FGD5: variants seen among roughly 807,000 people sequenced by gnomAD.
FGD5 encodes the protein FYVE, RhoGEF and PH domain containing 5.
Under a neutral mutation model 133.4 loss-of-function variants are expected in FGD5, and 28 were observed. That is an observed-to-expected ratio of 0.21 (90% confidence interval 0.16 to 0.29). The LOEUF is 0.29. Ranked by LOEUF, FGD5 falls within the 10% of genes least tolerant of loss-of-function variation. The pLI is 1.00. For synonymous variants in FGD5, 810 were observed against 776.5 expected (o/e 1.04, Z -0.72); for missense variants, 1,858 against 1,895.2 (o/e 0.98, Z 0.36).
At chr3:14,829,390 T>A (rs1418230412) in intron 1 of FGD5, among the ~76,000 whole-genome samples, 1 of 151,694 alleles carries the variant, frequency 6.6e-6, no homozygotes, top group Non-Finnish European at 1.5e-5. Flanking sequence ...ACGGAGGGGA[T>A]GGAGGGATGG....
intron 9 of FGD5, 71 bp from the exon 10 acceptor site, chr3:14,907,569 G>A (rs2125140713): frequency 2.1e-6 from 3 of 1,398,556 alleles, no homozygotes; most frequent in South Asian, 2.5e-5. Flanking sequence ...GCAACGCCAT[G>A]CCTTACAGAG....
At chr3:14,883,489 T>C (rs1319837411) in intron 4 of FGD5, among the ~76,000 whole-genome samples, 1 of 152,156 alleles carries the variant, frequency 6.6e-6, no homozygotes, top group East Asian at 1.9e-4. Context: ...CATGCACCCA[T>C]TCACTCTCAA....
chr3:14,852,850 A>C (rs2037193108), intron 1 of FGD5, among the ~76,000 whole-genome samples: 1 of 152,126 alleles, frequency 6.6e-6, no homozygotes, highest in Admixed American at 6.5e-5. Flanking sequence ...CTCACTTCAG[A>C]CACGACGAGG....
Position 14,820,995 on chromosome 3 carries a change from T to G in FGD5, c.1924T>G (p.Ser642Ala), listed in dbSNP as rs1174672237. The change falls in exon 1 of 20, where the codon TCC (serine) becomes GCC (alanine). Residue 642 changes from serine to alanine, a missense_variant. Coordinates refer to ENST00000285046, the MANE Select transcript of FGD5 (RefSeq NM_152536.4). ...TCCCTCACTCCTGATCGAGAGCGAC[T>G]CCCCGGACAAGTACAAGAAGAAGAA... Reference protein sequence around the residue: ...SSPSLLIESDSPDKYKKKKSS... With the variant: ...SSPSLLIESDAPDKYKKKKSS... 1 of 1,613,494 alleles carries G rather than the reference T, an allele frequency of 6.2e-7. No individual in the cohort carries two copies. Among genetic ancestry groups the G allele is most frequent in the East Asian group, 2.2e-5 (1 of 44,834 alleles).
At chr3:14,861,789 C>G (rs997509743) in intron 1 of FGD5, among the ~76,000 whole-genome samples, 1 of 152,216 alleles carries the variant, frequency 6.6e-6, no homozygotes, top group African/African-American at 2.4e-5. Flanking sequence ...CTTGCCCTCC[C>G]CAGGTCCCGC....
intron 12 of FGD5, 144 bp from the exon 13 acceptor site, chr3:14,918,610 C>G: frequency 1.3e-6 from 1 of 762,132 alleles, no homozygotes; most frequent in South Asian, 1.7e-5. Context: ...TCCACAGCAC[C>G]TACCATCACA....
upstream of FGD5, among the ~76,000 whole-genome samples, chr3:14,816,398 G>T (rs1355608421): frequency 6.6e-6 from 1 of 152,212 alleles, no homozygotes; most frequent in African/African-American, 2.4e-5. Context: ...ATCTGGGGTA[G>T]GCAAAGATGG....
chr3:14,868,181 C>T (rs1031083011), intron 2 of FGD5, among the ~76,000 whole-genome samples: 3 of 152,162 alleles, frequency 2.0e-5, no homozygotes, highest in Admixed American at 6.5e-5. Context: ...ACGTGTCGGC[C>T]CTCCCTGACA....
At position 14,879,608 on chromosome 3, in the gene FGD5, A is replaced by G. The variant is rs772504309; in HGVS notation, c.2659-964A>G. ...TCCTCACTCACTCTTTCAGTCAACA[A>G]AGAGAACTACCATATGCTAAGCACT... On this transcript the variant is annotated intron_variant, in intron 2 of 19. Transcript: ENST00000285046. Among the ~76,000 whole-genome samples, 40 of 152,352 alleles carry G rather than the reference A, an allele frequency of 2.6e-4. 1 individual carries two copies. Among genetic ancestry groups the G allele is most frequent in the Middle Eastern group, 3.4e-3 (1 of 294 alleles).
chr3:14,858,355 G>GTGGGGGGATGGA (rs57012067), intron 1 of FGD5, among the ~76,000 whole-genome samples: 1 of 130,888 alleles, frequency 7.6e-6, no homozygotes, highest in Non-Finnish European at 1.6e-5. Context: ...GGGTGGGTGG[G>GTGGGGGGATGGA]TGGATGGATG....
At chr3:14,843,131 A>G (rs1412922631) in intron 1 of FGD5, among the ~76,000 whole-genome samples, 1 of 152,118 alleles carries the variant, frequency 6.6e-6, no homozygotes, top group African/African-American at 2.4e-5. Flanking sequence ...TTATTTTCTC[A>G]TGTTTGACAT....
At position 14,922,845 on chromosome 3, in the gene FGD5, T is replaced by C. The variant is rs1404043962; in HGVS notation, c.3808-201T>C. 6.6e-6 allele frequency among the ~76,000 whole-genome samples: 1 copy of C among 151,970 alleles called. No homozygotes were observed. The highest frequency in any genetic ancestry group is 6.6e-5 in the Admixed American group (1 of 15,260). ...TGTAGTGGTTAAGGGCGCGGGCTCATCAGAAAAGCAGATAGGCGCTGGCTC... is the reference window on the plus strand; with the variant it reads ...TGTAGTGGTTAAGGGCGCGGGCTCACCAGAAAAGCAGATAGGCGCTGGCTC... On this transcript the variant is annotated intron_variant, in intron 15 of 19. Coordinates refer to ENST00000285046, the MANE Select transcript of FGD5 (RefSeq NM_152536.4). The surrounding 1 kb of genome is among the most constrained non-coding windows in gnomAD (Gnocchi z 4.1).
At position 14,934,132 on chromosome 3, in the gene FGD5, TA is replaced by T. The variant is rs2038943515; in HGVS notation, c.*966del. ...TTGGGCTGTATTACTGAAGGCTTTTTATTTTTTGAGAGGTGAAAAAAAGAGA... is the reference window on the plus strand; with the variant it reads ...TTGGGCTGTATTACTGAAGGCTTTTTTTTTTTGAGAGGTGAAAAAAAGAGA... On this transcript the variant is annotated 3_prime_UTR_variant, in exon 20 of 20. Transcript: ENST00000285046. 6.6e-6 allele frequency: 1 copy of T among 152,276 alleles called. No individual in the cohort carries two copies. Among genetic ancestry groups the T allele is most frequent in the Admixed American group, 6.5e-5 (1 of 15,278 alleles). The allele number at this position is 152,276 out of a possible 1,614,324, so 9.4% of individuals were successfully genotyped here. A position where few individuals can be genotyped will look rare whatever the true frequency, so the allele number is the denominator to read the frequency against.
chr3:14,924,000 A>C lies in FGD5; in HGVS notation c.3938-8A>C, dbSNP rs4685235. 1 of 1,613,878 alleles carries C rather than the reference A, an allele frequency of 6.2e-7. No homozygotes were observed. On this transcript the variant is annotated splice_region_variant and splice_polypyrimidine_tract_variant and intron_variant, in intron 16 of 19. Transcript: ENST00000285046. ...ACCTCCCTTCCATGTGGCTTCTTTC[A>C]GTTACAGAGCGGCCTGTGAGCATGA...
At chr3:14,838,634 C>T (rs1177029240) in intron 1 of FGD5, among the ~76,000 whole-genome samples, 1 of 152,192 alleles carries the variant, frequency 6.6e-6, no homozygotes, top group Non-Finnish European at 1.5e-5. Flanking sequence ...AGTCCTAAGT[C>T]CCATTATTTA....
intron 1 of FGD5, 125 bp downstream of exon 1, chr3:14,821,721 T>G: frequency 7.5e-7 from 1 of 1,328,614 alleles, no homozygotes; most frequent in Non-Finnish European, 9.9e-7. Context: ...CTGTGTTGAC[T>G]TGGGGTGAGT....
chr3:14,882,196 AT>A (rs532664378), intron 4 of FGD5: 20,043 of 599,998 alleles, frequency 0.033, 103 homozygotes, highest in Non-Finnish European at 0.038. Flanking sequence ...TCAGTTTCCC[AT>A]TTTTTTTTTA....
intron 2 of FGD5, among the ~76,000 whole-genome samples, chr3:14,877,979 G>A (rs960463895): frequency 6.6e-6 from 1 of 152,212 alleles, no homozygotes; most frequent in African/African-American, 2.4e-5. Context: ...AATGTCAACA[G>A]TCCAAGATGG....
intron 1 of FGD5, among the ~76,000 whole-genome samples, chr3:14,863,776 G>A (rs1035137610): frequency 6.6e-6 from 1 of 152,214 alleles, no homozygotes; most frequent in Non-Finnish European, 1.5e-5. Context: ...GCCACCTTAA[G>A]GACTAACCCT....
Sources: allele counts gnomAD v4.1 joint callset (sites outside exome capture counted in the v4.1 genomes callset), GRCh38; gene constraint gnomAD v4.1.1; non-coding constraint Gnocchi (gnomAD v3.1); transcripts MANE v1.5; gene names NCBI Gene and HGNC (gene_info 2026-07-23, HGNC 2026-07-21).